TET3: variants seen among roughly 807,000 people sequenced by gnomAD.
The protein encoded by TET3 is tet methylcytosine dioxygenase 3.
A neutral mutation model predicts 141.4 loss-of-function variants in TET3; 19 were observed. The observed-to-expected ratio is 0.13, with a 90% CI of 0.09 to 0.20. TET3 has a LOEUF of 0.20. Among genes scored for constraint, TET3 ranks in the 10% least tolerant of loss-of-function variants. TET3 has a pLI of 1.00. For synonymous variants in TET3, 1,043 were observed against 980.9 expected (o/e 1.06, Z -1.18); for missense variants, 1,874 against 2,356.9 (o/e 0.80, Z 4.24).
At position 74,080,528 on chromosome 2, in the gene TET3, C is replaced by T. The variant is rs1474311297; in HGVS notation, c.2616C>T (p.Ile872=). 6.2e-6 allele frequency: 10 copies of T among 1,613,282 alleles called. No homozygotes were observed. Among genetic ancestry groups the T allele is most frequent in the South Asian group, 2.2e-5 (2 of 90,984 alleles). ...GAGAGAAGGGGAAAGCCATCCGGATCGAGAAGGTCATCTACACGGGGAAGG... is the reference window on the plus strand; with the variant it reads ...GAGAGAAGGGGAAAGCCATCCGGATTGAGAAGGTCATCTACACGGGGAAGG... ...RYGEKGKAIR[I]EKVIYTGKEG... The change falls in exon 6 of 12, where the codon ATC becomes ATT. Residue 872 remains isoleucine (I), a synonymous_variant. Transcript: ENST00000409262.
intron 3 of TET3, among the ~76,000 whole-genome samples, chr2:74,013,995 G>C (rs2105207464): frequency 6.6e-6 from 1 of 151,998 alleles, no homozygotes; most frequent in East Asian, 1.9e-4. Context: ...AGTTCCCTCA[G>C]TAGCTGTGGT....
intron 3 of TET3, among the ~76,000 whole-genome samples, chr2:74,021,015 T>G (rs1686010990): frequency 6.6e-6 from 1 of 152,236 alleles, no homozygotes; most frequent in Admixed American, 6.5e-5. Context: ...TCTGCTGGTT[T>G]GTTTTAATCC....
intron 4 of TET3, among the ~76,000 whole-genome samples, chr2:74,072,815 C>T (rs1689285152): frequency 6.6e-6 from 1 of 152,206 alleles, no homozygotes; most frequent in South Asian, 2.1e-4. Context: ...TCTGCCTCTT[C>T]TAGATAATTC....
At chr2:74,097,288 A>G (rs1690909190) in intron 10 of TET3, among the ~76,000 whole-genome samples, 1 of 151,888 alleles carries the variant, frequency 6.6e-6, no homozygotes, top group Non-Finnish European at 1.5e-5. Context: ...TAATTCACAG[A>G]GCTCCAACTG....
chr2:74,030,151 T>C (rs1171629061), intron 3 of TET3, among the ~76,000 whole-genome samples: 2 of 152,228 alleles, frequency 1.3e-5, no homozygotes, highest in South Asian at 2.1e-4. Context: ...GAATACATAA[T>C]TATGTATGCA....
chr2:74,032,449 CTCTGTGTG>C lies in TET3; in HGVS notation c.361-13827_361-13820del, dbSNP rs1433471725. Among the ~76,000 whole-genome samples the C allele has an allele frequency of 7.0e-3, 293 of 42,070 alleles. 2 individuals are homozygous for C. The highest frequency in any genetic ancestry group is 6.3e-3 in the East Asian group (17 of 2,684). 27.6% of individuals were successfully genotyped at this position (42,070 alleles called of 152,430 possible). A position where few individuals can be genotyped will look rare whatever the true frequency, so the allele number is the denominator to read the frequency against. Reference sequence around the variant, plus strand: ...CCCAGCGGCTGCAAGAGGGGTGTGTCTCTGTGTGTGTGTGTGTGTGTGTGTGTGTGTGT... The same window carrying C: ...CCCAGCGGCTGCAAGAGGGGTGTGTCTGTGTGTGTGTGTGTGTGTGTGTGT... On this transcript the variant is annotated intron_variant, in intron 3 of 11. Transcript: ENST00000409262.
chr2:73,986,091 A>T lies in TET3; in HGVS notation c.-313A>T. On this transcript the variant is annotated 5_prime_UTR_variant, in exon 2 of 12. Transcript: ENST00000409262. ...ACCTGCTCAACTCATGCCTGGGTCC[A>T]GGGTGGGTGAGGGTGAAGAACCCAC... The T allele has an allele frequency of 4.1e-6, 1 of 243,212 alleles. No homozygotes were observed. The highest frequency in any genetic ancestry group is 5.6e-5 in the Admixed American group (1 of 17,812). 15.1% of individuals were successfully genotyped at this position (243,212 alleles called of 1,614,324 possible).
intron 4 of TET3, among the ~76,000 whole-genome samples, chr2:74,055,515 A>C (rs189521824): frequency 6.6e-6 from 1 of 152,170 alleles, no homozygotes; most frequent in African/African-American, 2.4e-5. Context: ...CTTTGTAACT[A>C]TCAGGAGGCA....
At chr2:74,117,756 A>T in the TET3 span, among the ~76,000 whole-genome samples, 6 of 130,108 alleles carry the variant, frequency 4.6e-5, no homozygotes, top group South Asian at 2.4e-4. Context: ...TATTATATAT[A>T]TTTTTTTATA....
At chr2:74,054,815 C>G (rs372665849) in intron 4 of TET3, among the ~76,000 whole-genome samples, 1 of 152,204 alleles carries the variant, frequency 6.6e-6, no homozygotes, top group Non-Finnish European at 1.5e-5. Context: ...TCTTGTCTTA[C>G]ATTATTTGTT....
At chr2:74,071,528 A>G (rs1406273523) in intron 4 of TET3, among the ~76,000 whole-genome samples, 1 of 152,218 alleles carries the variant, frequency 6.6e-6, no homozygotes, top group African/African-American at 2.4e-5. Flanking sequence ...GAATTCCTGT[A>G]TACCCTTTAT....
chr2:74,119,362 A>AAG, the TET3 span, among the ~76,000 whole-genome samples: 1 of 152,056 alleles, frequency 6.6e-6, no homozygotes, highest in African/African-American at 2.4e-5. Context: ...CAAAAAAAAA[A>AAG]AAAAAAAAGA....
At chr2:74,020,449 C>T (rs1685975668) in intron 3 of TET3, among the ~76,000 whole-genome samples, 1 of 152,240 alleles carries the variant, frequency 6.6e-6, no homozygotes, top group African/African-American at 2.4e-5. Flanking sequence ...GTTGGGATTA[C>T]AGGCATGAGC....
At chr2:73,997,610 C>T (rs977372430) in intron 2 of TET3, among the ~76,000 whole-genome samples, 1 of 152,090 alleles carries the variant, frequency 6.6e-6, no homozygotes, top group African/African-American at 2.4e-5. Flanking sequence ...CTACAAGGTC[C>T]CTTGTACTGG....
At chr2:74,120,206 G>GGCTCCCC in the TET3 span, among the ~76,000 whole-genome samples, 1 of 152,208 alleles carries the variant, frequency 6.6e-6, no homozygotes, top group African/African-American at 2.4e-5. Flanking sequence ...CCCGGCTCCC[G>GGCTCCCC]GCTCCCCCGC....
intron 4 of TET3, among the ~76,000 whole-genome samples, chr2:74,061,688 C>G (rs550201902): frequency 0.036 from 5,197 of 145,204 alleles, 343 homozygotes; most frequent in African/African-American, 0.13. Context: ...GGAGGGGCTC[C>G]TCACTTCTCA....
intron 5 of TET3, among the ~76,000 whole-genome samples, chr2:74,075,210 A>G (rs576845605): frequency 1.3e-5 from 2 of 152,230 alleles, no homozygotes; most frequent in South Asian, 4.2e-4. Context: ...TGATGTAGAC[A>G]TAAGCATATG....
the TET3 span, among the ~76,000 whole-genome samples, chr2:74,114,101 T>C: frequency 1.1e-4 from 16 of 152,062 alleles, no homozygotes; most frequent in Non-Finnish European, 1.6e-4. Flanking sequence ...GGCATAAAAA[T>C]AGACACAAAG....
At chr2:74,002,708 C>T (rs952467729) in intron 2 of TET3, 3 of 435,560 alleles carry the variant, frequency 6.9e-6, no homozygotes, top group African/African-American at 4.1e-5. Context: ...GGCAGCTGGC[C>T]GCCGCCTCCT....
Sources: allele counts gnomAD v4.1 joint callset (sites outside exome capture counted in the v4.1 genomes callset), GRCh38; gene constraint gnomAD v4.1.1; transcripts MANE v1.5; gene names NCBI Gene and HGNC (gene_info 2026-07-23, HGNC 2026-07-21).